The following HCN1 variants were observed in gnomAD, a reference collection of about 807,000 sequenced individuals.
HCN1 encodes potassium/sodium hyperpolarization-activated cyclic nucleotide-gated channel 1.
In HCN1, 13 loss-of-function variants were observed where a neutral mutation model predicts 78.9. That is an observed-to-expected ratio of 0.16 (90% CI 0.11 to 0.26). The LOEUF (loss-of-function observed/expected upper bound fraction) is 0.26, where lower values mean the gene tolerates loss of function less well. HCN1 is among the 10% of genes least tolerant of loss of function. The pLI is 1.00. For synonymous variants in HCN1, 552 were observed against 455.5 expected, an observed-to-expected ratio of 1.21 and a Z score of -2.70; for missense variants, 810 against 1,154.3, an observed-to-expected ratio of 0.70 and a Z score of 4.32.
At chr5:45,318,088 T>A (rs1268354072) in intron 5 of HCN1, among the ~76,000 whole-genome samples, 1 of 152,132 alleles carries the variant, frequency 6.6e-6, no homozygotes, top group Non-Finnish European at 1.5e-5. Context: ...GGATTATAAA[T>A]CATGCAGCTA....
At chr5:45,360,108 C>A (rs139467409) in intron 4 of HCN1, among the ~76,000 whole-genome samples, 1 of 150,946 alleles carries the variant, frequency 6.6e-6, no homozygotes, top group Admixed American at 6.6e-5. Flanking sequence ...TTAGAAATAT[C>A]ATTAAAAAGC....
intron 2 of HCN1, among the ~76,000 whole-genome samples, chr5:45,583,928 T>C (rs936461367): frequency 6.6e-6 from 1 of 152,162 alleles, no homozygotes; most frequent in Non-Finnish European, 1.5e-5. Flanking sequence ...TTACATTTGT[T>C]GAGGAGTGCT....
intron 1 of HCN1, among the ~76,000 whole-genome samples, chr5:45,671,625 T>C (rs1277268041): frequency 2.0e-5 from 3 of 151,386 alleles, no homozygotes; most frequent in Non-Finnish European, 3.0e-5. Flanking sequence ...CCTTTGATGA[T>C]TACTTGTCAG....
intron 6 of HCN1, among the ~76,000 whole-genome samples, chr5:45,281,418 T>A (rs1401934672): frequency 2.0e-5 from 3 of 152,072 alleles, no homozygotes; most frequent in Non-Finnish European, 2.9e-5. Flanking sequence ...ATGCTTCCTG[T>A]ATAGCCATCA....
intron 2 of HCN1, among the ~76,000 whole-genome samples, chr5:45,542,493 T>TA (rs916189778): frequency 9.7e-4 from 143 of 146,686 alleles, no homozygotes; most frequent in Middle Eastern, 3.5e-3. Context: ...AAAGAAAAGT[T>TA]AAAAAAAAAA....
At position 45,446,795 on chromosome 5, in the gene HCN1, T is replaced by A. The variant is rs1161742478; in HGVS notation, c.1011+15051A>T. Among the ~76,000 whole-genome samples, 4 of 152,062 alleles carry A rather than the reference T, an allele frequency of 2.6e-5. 1 individual carries two copies. Among genetic ancestry groups the A allele is most frequent in the African/African-American group, 9.6e-5 (4 of 41,486 alleles). On this transcript the variant is annotated intron_variant, in intron 3 of 7. Coordinates refer to ENST00000303230, the MANE Select transcript of HCN1 (RefSeq NM_021072.4). Reference sequence around the variant, plus strand: ...TCATATCCAGCCAAACTAAGCTTCATAAGTGAAGGAGAAATAAAATCCTTT... The same window carrying A: ...TCATATCCAGCCAAACTAAGCTTCAAAAGTGAAGGAGAAATAAAATCCTTT...
At chr5:45,500,388 A>G (rs1579934028) in intron 2 of HCN1, among the ~76,000 whole-genome samples, 1 of 152,208 alleles carries the variant, frequency 6.6e-6, no homozygotes, top group East Asian at 1.9e-4. Context: ...AGTTGAAATT[A>G]CAAAATATGG....
intron 5 of HCN1, among the ~76,000 whole-genome samples, chr5:45,332,510 T>A (rs10064595): frequency 0.17 from 26,393 of 151,024 alleles, 2,534 homozygotes; most frequent in East Asian, 0.33. Flanking sequence ...CTGGTAACCA[T>A]CCTTCTACTC....
chr5:45,618,914 A>G (rs1207827247), intron 2 of HCN1, among the ~76,000 whole-genome samples: 1 of 152,064 alleles, frequency 6.6e-6, no homozygotes, highest in Non-Finnish European at 1.5e-5. Flanking sequence ...CACCATGCAG[A>G]CTTACAGGTA....
chr5:45,357,442 T>A (rs1190297139), intron 4 of HCN1, among the ~76,000 whole-genome samples: 2 of 152,044 alleles, frequency 1.3e-5, no homozygotes, highest in African/African-American at 4.8e-5. Flanking sequence ...TTCTCTATAT[T>A]TCCCCAACAT....
At chr5:45,368,568 A>T (rs1747283944) in intron 4 of HCN1, among the ~76,000 whole-genome samples, 1 of 151,950 alleles carries the variant, frequency 6.6e-6, no homozygotes, top group Non-Finnish European at 1.5e-5. Context: ...TAAGACCTAA[A>T]TATGTATTTC....
intron 2 of HCN1, among the ~76,000 whole-genome samples, chr5:45,537,820 T>C (rs1743002020): frequency 6.6e-6 from 1 of 152,032 alleles, no homozygotes; most frequent in Non-Finnish European, 1.5e-5. Flanking sequence ...CTGTTAGCCA[T>C]TTGACTACAA....
chr5:45,512,489 TA>T (rs1462364828), intron 2 of HCN1, among the ~76,000 whole-genome samples: 3 of 152,246 alleles, frequency 2.0e-5, no homozygotes, highest in South Asian at 2.1e-4. Context: ...TTAGTATGTA[TA>T]AAAAATATTT....
intron 5 of HCN1, among the ~76,000 whole-genome samples, chr5:45,346,138 C>T (rs999002069): frequency 1.3e-5 from 2 of 152,138 alleles, no homozygotes; most frequent in Non-Finnish European, 2.9e-5. Flanking sequence ...CTAGCAAGAA[C>T]AGAGCATGTG....
intron 2 of HCN1, among the ~76,000 whole-genome samples, chr5:45,491,056 T>C (rs2111698706): frequency 6.6e-6 from 1 of 152,238 alleles, no homozygotes; most frequent in Non-Finnish European, 1.5e-5. Flanking sequence ...AAACACTTTC[T>C]CTCCTTAAGT....
chr5:45,485,806 G>T (rs1443710900), intron 2 of HCN1, among the ~76,000 whole-genome samples: 2 of 152,116 alleles, frequency 1.3e-5, no homozygotes, highest in South Asian at 2.1e-4. Flanking sequence ...TGTGCAGGGG[G>T]TGAAGGTCAC....
chr5:45,549,272 C>G (rs1234056163), intron 2 of HCN1, among the ~76,000 whole-genome samples: 2 of 152,140 alleles, frequency 1.3e-5, no homozygotes, highest in African/African-American at 4.8e-5. Context: ...GTAACCAAAA[C>G]AGCATGGTAC....
chr5:45,646,049 G>GA lies in HCN1; in HGVS notation c.426-442dup, dbSNP rs201336341. 6.8e-3 allele frequency among the ~76,000 whole-genome samples: 1,024 copies of GA among 150,124 alleles called. 6 individuals carry two copies. Among genetic ancestry groups the GA allele is most frequent in the Non-Finnish European group, 7.9e-3 (531 of 67,422 alleles). Reference sequence around the variant, plus strand: ...ATGTCAATTTACCAATCATAGATTAGAAAAAAAAACCCAGAAATAAATAGG... The same window carrying GA: ...ATGTCAATTTACCAATCATAGATTAGAAAAAAAAAACCCAGAAATAAATAGG... On this transcript the variant is annotated intron_variant, in intron 1 of 7. Transcript: ENST00000303230.
chr5:45,294,702 A>G (rs572194248), intron 6 of HCN1, among the ~76,000 whole-genome samples: 112 of 152,184 alleles, frequency 7.4e-4, no homozygotes, highest in Non-Finnish European at 1.3e-3. Flanking sequence ...ATATATTTAC[A>G]GTATGATTAC....
Sources: allele counts gnomAD v4.1 joint callset (sites outside exome capture counted in the v4.1 genomes callset), GRCh38; gene constraint gnomAD v4.1.1; transcripts MANE v1.5; gene names NCBI Gene and HGNC (gene_info 2026-07-23, HGNC 2026-07-21).